Variants in HSPA12A observed in about 807,000 individuals in gnomAD.
HSPA12A encodes heat shock protein family A (Hsp70) member 12A.
A neutral mutation model predicts 69.2 loss-of-function variants in HSPA12A; 28 were observed. That is an observed-to-expected ratio of 0.40 (90% CI 0.30 to 0.55). The LOEUF (loss-of-function observed/expected upper bound fraction) is 0.55. Ranked by LOEUF, HSPA12A falls within the 20% of genes least tolerant of loss-of-function variation. HSPA12A has a pLI of 0.38. For synonymous variants in HSPA12A, 345 were observed against 370.5 expected, an observed-to-expected ratio of 0.93 and a Z score of 0.79; for missense variants, 686 against 900.7, an observed-to-expected ratio of 0.76 and a Z score of 3.05.
At chr10:116,791,637 C>T (rs1456872410) in intron 2 of HSPA12A, among the ~76,000 whole-genome samples, 3 of 152,106 alleles carry the variant, frequency 2.0e-5, no homozygotes, top group African/African-American at 7.2e-5. Flanking sequence ...TTAGTAATTC[C>T]TTATCCTTAA....
At chr10:116,713,545 C>T (rs1235824528) in intron 1 of HSPA12A, among the ~76,000 whole-genome samples, 7 of 152,172 alleles carry the variant, frequency 4.6e-5, no homozygotes, top group African/African-American at 1.4e-4. Flanking sequence ...CCTCCTACCT[C>T]CCTGAATAGT....
intron 2 of HSPA12A, chr10:116,750,523 G>A (rs546266419): frequency 8.7e-5 from 37 of 426,008 alleles, no homozygotes; most frequent in African/African-American, 5.2e-4. Flanking sequence ...TGGATTATAC[G>A]CATTTCCTAA....
chr10:116,845,446 C>A (rs567473104), intron 1 of HSPA12A, among the ~76,000 whole-genome samples: 44 of 152,244 alleles, frequency 2.9e-4, no homozygotes, highest in Middle Eastern at 3.4e-3. Flanking sequence ...TTGTTGCACA[C>A]CATACACGCC....
chr10:116,682,215 G>T (rs1441567606), intron 7 of HSPA12A, among the ~76,000 whole-genome samples: 1 of 152,130 alleles, frequency 6.6e-6, no homozygotes, highest in Non-Finnish European at 1.5e-5. Flanking sequence ...TCAAATGTGC[G>T]CCACTGCACT....
At chr10:116,833,090 G>C (rs1461281318) in intron 2 of HSPA12A, 1 of 152,194 alleles carries the variant, frequency 6.6e-6, no homozygotes, top group Non-Finnish European at 1.5e-5. Flanking sequence ...AACAAACATT[G>C]CTTTTTCCAG....
At chr10:116,711,844 T>TTA (rs1554883133) in intron 1 of HSPA12A, among the ~76,000 whole-genome samples, 51 of 151,114 alleles carry the variant, frequency 3.4e-4, no homozygotes, top group African/African-American at 1.1e-3. Context: ...TTTTTTTTTT[T>TTA]AAATTTTTAA....
At chr10:116,782,443 G>A (rs1351423718) in intron 2 of HSPA12A, among the ~76,000 whole-genome samples, 1 of 152,194 alleles carries the variant, frequency 6.6e-6, no homozygotes, top group Non-Finnish European at 1.5e-5. Context: ...AAAATCGGGA[G>A]AGGGAGTTGT....
At chr10:116,681,289 T>A (rs782681742) in intron 8 of HSPA12A, 33 bp from the exon 9 acceptor site, 5 of 1,571,314 alleles carry the variant, frequency 3.2e-6, no homozygotes, top group African/African-American at 1.3e-5. Flanking sequence ...TTACACAGAC[T>A]GTTTGCCAAC....
chr10:116,683,097 G>A (rs77119487), intron 7 of HSPA12A, among the ~76,000 whole-genome samples: 6,313 of 151,768 alleles, frequency 0.042, 232 homozygotes, highest in East Asian at 0.2. Flanking sequence ...CACCCCCATA[G>A]TGCTCTCACT....
intron 1 of HSPA12A, among the ~76,000 whole-genome samples, chr10:116,835,766 C>T (rs992070112): frequency 1.3e-5 from 2 of 152,036 alleles, no homozygotes; most frequent in African/African-American, 4.8e-5. Context: ...ACACTTGTGC[C>T]GAAAGCAGTC....
intron 2 of HSPA12A, among the ~76,000 whole-genome samples, chr10:116,790,709 G>A (rs79662082): frequency 0.031 from 4,744 of 151,696 alleles, 102 homozygotes; most frequent in Non-Finnish European, 0.047. Context: ...TTTTTTTATT[G>A]AGACAGAGTC....
At chr10:116,729,204 C>G (rs1638421) in intron 1 of HSPA12A, among the ~76,000 whole-genome samples, 105,629 of 152,050 alleles carry the variant, frequency 0.69, 37,178 homozygotes, top group Middle Eastern at 0.87. Flanking sequence ...ATGAGGAGCA[C>G]GCCGGGAAGG....
intron 2 of HSPA12A, among the ~76,000 whole-genome samples, chr10:116,800,203 G>C (rs1342840064): frequency 6.6e-6 from 1 of 152,196 alleles, no homozygotes; most frequent in African/African-American, 2.4e-5. Flanking sequence ...TACCAGCCAA[G>C]TTCATTCCCT....
At chr10:116,773,305 G>A (rs1424215750) in intron 2 of HSPA12A, among the ~76,000 whole-genome samples, 1 of 150,866 alleles carries the variant, frequency 6.6e-6, no homozygotes, top group Non-Finnish European at 1.5e-5. Context: ...GCAGTACATG[G>A]TAGCACAGAA....
intron 6 of HSPA12A, among the ~76,000 whole-genome samples, chr10:116,690,365 C>T (rs1236995849): frequency 6.6e-6 from 1 of 152,146 alleles, no homozygotes; most frequent in Non-Finnish European, 1.5e-5. Context: ...GAGAGATAGG[C>T]CTCTAGTTTA....
chr10:116,840,603 G>A (rs1197534371), intron 1 of HSPA12A, among the ~76,000 whole-genome samples: 1 of 152,166 alleles, frequency 6.6e-6, no homozygotes, highest in African/African-American at 2.4e-5. Flanking sequence ...AACAAGTGTT[G>A]GCTGAGAATA....
intron 2 of HSPA12A, among the ~76,000 whole-genome samples, chr10:116,770,044 C>T (rs1171531172): frequency 2.6e-5 from 4 of 152,130 alleles, no homozygotes; most frequent in Non-Finnish European, 5.9e-5. Context: ...CAGAATGAGG[C>T]AAGTAAGGAG....
intron 1 of HSPA12A, among the ~76,000 whole-genome samples, chr10:116,736,176 T>C (rs905355278): frequency 6.6e-6 from 1 of 152,180 alleles, no homozygotes; most frequent in East Asian, 1.9e-4. Context: ...CAATGAGTCA[T>C]GGGCCCCTCA....
chr10:116,732,814 G>A (rs951664897), intron 1 of HSPA12A, among the ~76,000 whole-genome samples: 2 of 152,126 alleles, frequency 1.3e-5, no homozygotes, highest in South Asian at 4.2e-4. Context: ...AGTGGCTGGC[G>A]GGACTGCTGG....
Sources: allele counts gnomAD v4.1 joint callset (sites outside exome capture counted in the v4.1 genomes callset), GRCh38; gene constraint gnomAD v4.1.1; transcripts MANE v1.5; gene names NCBI Gene and HGNC (gene_info 2026-07-23, HGNC 2026-07-21).